Variants in PASK observed in about 807,000 individuals in gnomAD.
The protein encoded by PASK is PAS domain-containing serine/threonine-protein kinase.
PASK carries 110 observed loss-of-function variants against 121.0 expected under a neutral mutation model. The observed-to-expected ratio is 0.91, with a 90% CI of 0.78 to 1.06. The LOEUF (loss-of-function observed/expected upper bound fraction) is 1.06. Among genes scored for constraint, PASK ranks in the 50% least tolerant of loss-of-function variants. The pLI, the probability that PASK is intolerant of heterozygous loss-of-function variation, is 0.00. For synonymous variants in PASK, 686 were observed against 717.8 expected (o/e 0.96, Z 0.71); for missense variants, 1,643 against 1,702.3 (o/e 0.97, Z 0.61).
rs2065252551 is a variant in PASK, at chr2:241,114,717, C to T, written c.3333+326G>A. The T allele has an allele frequency of 3.0e-6, 4 of 1,343,704 alleles. No homozygotes were observed. The Admixed American group carries it at 1.4e-4, about 47-fold the overall frequency. The allele number at this position is 1,343,704 out of a possible 1,614,324, so 83.2% of individuals were successfully genotyped here. ...GCCGCACACATGCCTTTGAGACGCTCTCTGGCTGCATCCTAACCCTTACTG... is the reference window on the plus strand; with the variant it reads ...GCCGCACACATGCCTTTGAGACGCTTTCTGGCTGCATCCTAACCCTTACTG... On this transcript the variant is annotated intron_variant, in intron 14 of 17. Coordinates refer to ENST00000234040, the MANE Select transcript of PASK (RefSeq NM_015148.4).
At chr2:241,120,823 G>A (rs904492592) in intron 12 of PASK, among the ~76,000 whole-genome samples, 2 of 152,168 alleles carry the variant, frequency 1.3e-5, no homozygotes, top group South Asian at 2.1e-4. Context: ...GCACTACTAG[G>A]TATATGCCTA....
Position 241,126,193 on chromosome 2 carries a change from T to C in PASK, c.2719+3A>G. The C allele has an allele frequency of 6.2e-7, 1 of 1,613,742 alleles. No homozygotes were observed. Among genetic ancestry groups the C allele is most frequent in the Non-Finnish European group, 8.5e-7 (1 of 1,179,858 alleles). ...ACTTCTTCCTATGGGGCCCGGGACA[T>C]ACTCAGCCGTAAGCCATCTCGATGG... is the stretch of plus-strand genomic sequence containing the variant. On this transcript the variant is annotated splice_donor_region_variant and intron_variant, in intron 10 of 17. Transcript: ENST00000234040.
At position 241,112,546 on chromosome 2, in the gene PASK, G is replaced by A. The variant is rs937780488; in HGVS notation, c.3334-107C>T. On this transcript the variant is annotated intron_variant, in intron 14 of 17. Transcript: ENST00000234040. The surrounding 1 kb of genome is among the most constrained non-coding windows in gnomAD (Gnocchi z 5.2). The stretch of plus-strand genomic sequence containing the variant: ...AAACACAAAGAAAAAATAAACCTCC[G>A]ACTCATAATGAACTGGGGACAGGAA... The A allele has an allele frequency of 4.6e-5, 32 of 701,314 alleles. No individual in the cohort carries two copies. Among genetic ancestry groups the A allele is most frequent in the Admixed American group, 2.2e-4 (8 of 35,832 alleles). 43.4% of individuals were successfully genotyped at this position (701,314 alleles called of 1,614,324 possible).
intron 1 of PASK, among the ~76,000 whole-genome samples, chr2:241,148,979 A>G (rs1002551726): frequency 2.1e-5 from 3 of 140,090 alleles, no homozygotes; most frequent in Non-Finnish European, 4.5e-5. Flanking sequence ...CGCGCCCCCG[A>G]CCCCGCGGCG....
At chr2:241,139,858 C>T (rs1458447549) in intron 4 of PASK, 27 bp downstream of exon 4, 3 of 1,611,746 alleles carry the variant, frequency 1.9e-6, no homozygotes, top group Admixed American at 1.7e-5. Flanking sequence ...TGAGGCCAGA[C>T]TGAACGCTGC....
At chr2:241,114,715 C>G in intron 14 of PASK, 1 of 1,339,796 alleles carries the variant, frequency 7.5e-7, no homozygotes. Flanking sequence ...CTTTGAGACG[C>G]TCTCTGGCTG....
Position 241,126,439 on chromosome 2 carries a change from G to C in PASK, c.2476C>G (p.Leu826Val), listed in dbSNP as rs763553572. 6.2e-7 allele frequency: 1 copy of C among 1,614,250 alleles called. No homozygotes were observed. The highest frequency in any genetic ancestry group is 1.1e-5 in the South Asian group (1 of 91,088). ...SCVGHDPTEP[L>V]EVCLVSSEHY... ...TCAGAGGACACCAAACAAACCTCAA[G>C]CGGTTCTGTTGGATCATGTCCCACA... Residue 826 changes from leucine to valine, a missense_variant, in exon 10 of 18, where the codon CTT becomes GTT. Physicochemically the swap from Leu to Val is conservative, Grantham distance 32 (BLOSUM62 1). Transcript: ENST00000234040.
At chr2:241,148,006 G>C (rs2067048386) in intron 1 of PASK, among the ~76,000 whole-genome samples, 1 of 152,140 alleles carries the variant, frequency 6.6e-6, no homozygotes, top group African/African-American at 2.4e-5. Context: ...CCACAGCCTG[G>C]CCTCAAGAAA....
In PASK at chr2:241,132,945, G is replaced by A. The variant is rs745397986; in HGVS notation, c.1392C>T (p.Phe464=). The A allele has an allele frequency of 1.9e-6, 3 of 1,613,920 alleles. No individual in the cohort carries two copies. The highest frequency in any genetic ancestry group is 2.5e-6 in the Non-Finnish European group (3 of 1,179,780). Residue 464 remains phenylalanine (F), a synonymous_variant, in exon 9 of 18, where the codon TTC becomes TTT. Transcript: ENST00000234040. The part of the protein sequence containing the change: ...IRKLMESQDI[F]TGTQTELIAG... The stretch of plus-strand genomic sequence containing the variant: ...CAATCAGCTCAGTCTGAGTCCCGGT[G>A]AAGATGTCTTGGCTTTCCATCAGCT...
chr2:241,131,521 G>T (rs955553836), intron 9 of PASK, among the ~76,000 whole-genome samples: 1 of 152,076 alleles, frequency 6.6e-6, no homozygotes, highest in Non-Finnish European at 1.5e-5. Flanking sequence ...ATAATTTCAA[G>T]ACTAGAAAAC....
In PASK at chr2:241,112,340, T is replaced by A. The variant is rs1348146313; in HGVS notation, c.3433A>T (p.Ile1145Leu). The A allele has an allele frequency of 6.2e-7, 1 of 1,613,544 alleles. No individual in the cohort carries two copies. The highest frequency in any genetic ancestry group is 8.5e-7 in the Non-Finnish European group (1 of 1,179,678). ...VIAEDFTIKL[I>L]DFGSAAYLER... ...AAGTAGGCGGCCGAGCCAAAGTCTA[T>A]CAGCTTGATTGTGAAGTCCTCGGCG... Residue 1145 changes from isoleucine to leucine, a missense_variant, in exon 15 of 18, where the codon ATA becomes TTA. Physicochemically the swap from Ile to Leu is conservative, Grantham distance 5. Coordinates refer to ENST00000234040, the MANE Select transcript of PASK (RefSeq NM_015148.4). The surrounding 1 kb of genome is among the most constrained non-coding windows in gnomAD (Gnocchi z 5.2).
chr2:241,114,318 G>A, intron 14 of PASK: 1 of 985,408 alleles, frequency 1.0e-6, no homozygotes, highest in Non-Finnish European at 1.2e-6. Flanking sequence ...CACGGAAGCT[G>A]TCATTAGAAA....
chr2:241,150,256 C>T, upstream of PASK: 8 of 1,293,766 alleles, frequency 6.2e-6, no homozygotes, highest in Non-Finnish European at 7.8e-6. Flanking sequence ...CTTTCCTTCC[C>T]AGCTTCTCGC....
chr2:241,121,670 G>A lies in PASK; in HGVS notation c.3072+1062C>T, dbSNP rs368603751. Among the ~76,000 whole-genome samples, 70 of 152,298 alleles carry A rather than the reference G, an allele frequency of 4.6e-4. No individual in the cohort carries two copies. In the South Asian group the frequency reaches 0.014, roughly 30 times the overall value. On this transcript the variant is annotated intron_variant, in intron 12 of 17. Coordinates refer to ENST00000234040, the MANE Select transcript of PASK (RefSeq NM_015148.4). ...CATAAATGACTAAAAGTAAAAGAATGAGAAAAGTTTACTATGTGAACACAA... is the reference window on the plus strand; with the variant it reads ...CATAAATGACTAAAAGTAAAAGAATAAGAAAAGTTTACTATGTGAACACAA...
At chr2:241,148,519 AGAG>A (rs1454999010) in intron 1 of PASK, among the ~76,000 whole-genome samples, 2 of 152,192 alleles carry the variant, frequency 1.3e-5, no homozygotes, top group African/African-American at 4.8e-5. Flanking sequence ...AGCCTCCCAG[AGAG>A]GAGTTCAGTA....
At chr2:241,139,284 C>T (rs2066590002) in intron 4 of PASK, among the ~76,000 whole-genome samples, 1 of 152,182 alleles carries the variant, frequency 6.6e-6, no homozygotes, top group South Asian at 2.1e-4. Context: ...CATACCCCAA[C>T]CTCCACTGCC....
At chr2:241,141,657 C>T (rs891738190) in intron 2 of PASK, among the ~76,000 whole-genome samples, 12 of 152,280 alleles carry the variant, frequency 7.9e-5, no homozygotes, top group African/African-American at 2.6e-4. Context: ...GCCTGGACCT[C>T]CCACGGCCCA....
chr2:241,110,475 C>T (rs1190207267), intron 15 of PASK, among the ~76,000 whole-genome samples: 1 of 152,196 alleles, frequency 6.6e-6, no homozygotes, highest in Non-Finnish European at 1.5e-5. Context: ...TGAGAGGAGG[C>T]CTGCAGCCCC....
intron 15 of PASK, among the ~76,000 whole-genome samples, chr2:241,110,529 G>A (rs760623832): frequency 3.9e-5 from 6 of 152,366 alleles, no homozygotes; most frequent in Non-Finnish European, 7.4e-5. Flanking sequence ...GAAAGGAGAG[G>A]CCAGGAGGCA....
Sources: gnomAD v4.1 joint callset for allele counts (sites outside exome capture counted in the v4.1 genomes callset) on GRCh38, gnomAD v4.1.1 for gene constraint, Gnocchi (gnomAD v3.1) non-coding constraint, MANE v1.5 for transcripts, NCBI Gene and HGNC (gene_info 2026-07-23, HGNC 2026-07-21) for gene names.